ARHGEF10: variants seen among roughly 807,000 people sequenced by gnomAD.
ARHGEF10 encodes the protein Rho guanine nucleotide exchange factor 10.
A neutral mutation model predicts 147.4 loss-of-function variants in ARHGEF10; 140 were observed. The observed-to-expected ratio is 0.95, with a 90% confidence interval of 0.83 to 1.09. The LOEUF (loss-of-function observed/expected upper bound fraction) is 1.09, where lower values mean the gene tolerates loss of function less well. Ranked by LOEUF, ARHGEF10 falls within the 50% of genes least tolerant of loss-of-function variation. ARHGEF10 has a pLI of 0.00. For synonymous variants in ARHGEF10, 902 were observed against 695.8 expected, an observed-to-expected ratio of 1.30 and a Z score of -4.67; for missense variants, 2,222 against 1,752.7, an observed-to-expected ratio of 1.27 and a Z score of -4.78.
At chr8:1,952,599 T>G in intron 27 of ARHGEF10, 106 bp from the exon 28 acceptor site, 3 of 1,472,796 alleles carry the variant, frequency 2.0e-6, no homozygotes, top group Non-Finnish European at 2.8e-6. Flanking sequence ...CCCTGGCGGA[T>G]TTGGTGGTGG....
At chr8:1,915,361 T>C (rs1289837207) in intron 18 of ARHGEF10, among the ~76,000 whole-genome samples, 1 of 152,228 alleles carries the variant, frequency 6.6e-6, no homozygotes, top group African/African-American at 2.4e-5. Flanking sequence ...TGAGTTATTC[T>C]ACTTTTCTAC....
intron 1 of ARHGEF10, among the ~76,000 whole-genome samples, chr8:1,836,397 A>T (rs375939505): frequency 7.9e-5 from 12 of 152,088 alleles, no homozygotes; most frequent in Admixed American, 5.2e-4. Context: ...GGGCAGGGAG[A>T]GTGAGCCCCA....
intron 15 of ARHGEF10, among the ~76,000 whole-genome samples, chr8:1,902,699 G>A (rs1047124578): frequency 5.9e-5 from 9 of 152,146 alleles, no homozygotes; most frequent in South Asian, 2.1e-4. Flanking sequence ...GCAGGAGGGC[G>A]TACCCTTGTG....
chr8:1,918,136 GTT>G (rs1369119982), intron 18 of ARHGEF10, among the ~76,000 whole-genome samples: 1 of 152,154 alleles, frequency 6.6e-6, no homozygotes, highest in Non-Finnish European at 1.5e-5. Flanking sequence ...ACATGAAACA[GTT>G]TTTCTGAAAC....
chr8:1,826,428 TTG>T (rs750441335), intron 1 of ARHGEF10, among the ~76,000 whole-genome samples: 25 of 149,844 alleles, frequency 1.7e-4, no homozygotes, highest in South Asian at 4.2e-4. Context: ...TGTGTGCGCT[TTG>T]TGTGTGTGTG....
rs1439311935 is a variant in ARHGEF10 at position 1,937,433 on chromosome 8, G to C, written c.3222+3491G>C. Reference sequence around the variant, plus strand: ...CCGCCTACCTGGGTCTCAATTGTCTGAGCTGACAGCTGGGGGTAATTCCCC... The same window carrying C: ...CCGCCTACCTGGGTCTCAATTGTCTCAGCTGACAGCTGGGGGTAATTCCCC... On this transcript the variant is annotated intron_variant, in intron 26 of 28. Transcript: ENST00000349830. The surrounding 1 kb of genome is among the most constrained non-coding windows in gnomAD (Gnocchi z 4.9). Among the ~76,000 whole-genome samples, 1 of 152,198 alleles carries C rather than the reference G, an allele frequency of 6.6e-6. No homozygotes were observed. Among genetic ancestry groups the C allele is most frequent in the Non-Finnish European group, 1.5e-5 (1 of 68,030 alleles).
Position 1,885,581 on chromosome 8 carries a change from AT to A in ARHGEF10, c.1076-16del, listed in dbSNP as rs749003167. On this transcript the variant is annotated intron_variant, in intron 10 of 28. Transcript: ENST00000349830. ...TATTATTTGAATGTAAAATTCATGC[AT>A]TTTGACTTTTTTTTTAAGATCACAG... is the stretch of plus-strand genomic sequence containing the variant. 1 of 1,551,978 alleles carries A rather than the reference AT, an allele frequency of 6.4e-7. No homozygotes were observed. Among genetic ancestry groups the A allele is most frequent in the South Asian group, 1.1e-5 (1 of 89,620 alleles).
intron 26 of ARHGEF10, among the ~76,000 whole-genome samples, chr8:1,943,104 A>G (rs567840497): frequency 3.9e-5 from 6 of 152,336 alleles, no homozygotes; most frequent in African/African-American, 1.4e-4. Flanking sequence ...GAAGTAGCTG[A>G]GAAGTTAGCA....
chr8:1,906,060 A>C (rs567461395), intron 17 of ARHGEF10, among the ~76,000 whole-genome samples: 1 of 152,334 alleles, frequency 6.6e-6, no homozygotes, highest in South Asian at 2.1e-4. Flanking sequence ...GCTTCTCTAT[A>C]AATATATTTT....
intron 7 of ARHGEF10, chr8:1,870,912 A>C (rs1245177193): frequency 6.6e-6 from 1 of 152,166 alleles, no homozygotes; most frequent in Non-Finnish European, 1.5e-5. Context: ...CGGGAGTTCA[A>C]GACCAGCCGG....
chr8:1,878,259 G>A (rs986805123), intron 8 of ARHGEF10, among the ~76,000 whole-genome samples: 3 of 151,870 alleles, frequency 2.0e-5, no homozygotes, highest in East Asian at 1.9e-4. Context: ...GCGTGATCTC[G>A]GCTCACTGCA....
chr8:1,867,313 G>A (rs186649703), intron 6 of ARHGEF10, among the ~76,000 whole-genome samples: 1 of 152,296 alleles, frequency 6.6e-6, no homozygotes, highest in African/African-American at 2.4e-5. Flanking sequence ...TTAAAGGACA[G>A]ACTAGACATG....
At chr8:1,905,036 C>T (rs948339677) in intron 16 of ARHGEF10, among the ~76,000 whole-genome samples, 3 of 152,026 alleles carry the variant, frequency 2.0e-5, no homozygotes, top group African/African-American at 7.3e-5. Flanking sequence ...GGCTGAGGCA[C>T]GAGAATCAAT....
At chr8:1,950,830 T>C (rs1814983633) in intron 27 of ARHGEF10, among the ~76,000 whole-genome samples, 2 of 143,086 alleles carry the variant, frequency 1.4e-5, no homozygotes, top group South Asian at 4.8e-4. Flanking sequence ...TCCACCCACC[T>C]CGGCCTCCCA....
intron 11 of ARHGEF10, among the ~76,000 whole-genome samples, chr8:1,886,845 T>A (rs1286552408): frequency 6.6e-6 from 1 of 152,148 alleles, no homozygotes; most frequent in African/African-American, 2.4e-5. Flanking sequence ...CTGATCTCAG[T>A]CTCTCCCATC....
At position 1,885,646 on chromosome 8, in the gene ARHGEF10, T is replaced by C. The variant is rs1808594175; in HGVS notation, c.1121T>C (p.Val374Ala). 6.2e-7 allele frequency: 1 copy of C among 1,614,096 alleles called. No homozygotes were observed. Among genetic ancestry groups the C allele is most frequent in the Non-Finnish European group, 8.5e-7 (1 of 1,180,030 alleles). The change falls in exon 11 of 29, where the codon GTT (valine) becomes GCT (alanine). Residue 374 changes from valine (V) to alanine (A), a missense_variant. Coordinates refer to ENST00000349830, the MANE Select transcript of ARHGEF10 (RefSeq NM_014629.4). ...LEEEQNLFID[V>A]DCKHPEAILT... The stretch of plus-strand genomic sequence containing the variant: ...GAAGAACAGAATTTGTTCATTGATG[T>C]TGACTGCAAGCACCCGGAAGCCATC...
At chr8:1,823,770 G>C (rs1178098844), upstream of ARHGEF10, among the ~76,000 whole-genome samples, 1 of 151,894 alleles carries the variant, frequency 6.6e-6, no homozygotes, top group African/African-American at 2.4e-5. Context: ...TGGGCAGCGG[G>C]AGGGGGCGCG....
At chr8:1,836,276 C>T (rs1803574898) in intron 1 of ARHGEF10, among the ~76,000 whole-genome samples, 1 of 152,086 alleles carries the variant, frequency 6.6e-6, no homozygotes, top group African/African-American at 2.4e-5. Flanking sequence ...AATCATGAAA[C>T]AAAGCCTGCA....
chr8:1,940,117 G>A (rs1400641915), intron 26 of ARHGEF10, among the ~76,000 whole-genome samples: 2 of 152,156 alleles, frequency 1.3e-5, no homozygotes, highest in Admixed American at 1.3e-4. Flanking sequence ...CAGAAGTTTG[G>A]ATTGTGATTG....
Sources: gnomAD v4.1 joint callset for allele counts (sites outside exome capture counted in the v4.1 genomes callset) on GRCh38, gnomAD v4.1.1 for gene constraint, Gnocchi (gnomAD v3.1) non-coding constraint, MANE v1.5 for transcripts, NCBI Gene and HGNC (gene_info 2026-07-23, HGNC 2026-07-21) for gene names.